ITGA11: variants seen among roughly 807,000 people sequenced by gnomAD.
ITGA11 encodes the protein integrin alpha-11.
Under a neutral mutation model 141.9 loss-of-function variants are expected in ITGA11, and 97 were observed. The ratio of observed to expected loss-of-function variants is 0.68; its 90% CI spans 0.58 to 0.81. The LOEUF (loss-of-function observed/expected upper bound fraction) is 0.81, where lower values mean the gene tolerates loss of function less well. ITGA11 is among the 30% of genes least tolerant of loss of function. ITGA11 has a pLI of 0.00. For missense variants in ITGA11, 1,387 were observed against 1,559.2 expected (o/e 0.89, Z 1.86); for synonymous variants, 658 against 624.6 (o/e 1.05, Z -0.80).
chr15:68,320,836 T>G (rs1893781916), intron 19 of ITGA11, among the ~76,000 whole-genome samples: 1 of 152,264 alleles, frequency 6.6e-6, no homozygotes, highest in Admixed American at 6.5e-5. Context: ...TCATGGTATA[T>G]ATGTTTTCTA....
At chr15:68,363,046 G>A (rs753485537) in intron 4 of ITGA11, among the ~76,000 whole-genome samples, 17 of 152,188 alleles carry the variant, frequency 1.1e-4, no homozygotes, top group Non-Finnish European at 2.5e-4. Flanking sequence ...ATGAATGATA[G>A]ATGATGGAGG....
chr15:68,344,655 A>T (rs1384481838), intron 10 of ITGA11, among the ~76,000 whole-genome samples: 1 of 151,902 alleles, frequency 6.6e-6, no homozygotes, highest in African/African-American at 2.4e-5. Context: ...CAAATAATTG[A>T]TGCGCATGGG....
Position 68,320,194 on chromosome 15 carries a change from C to T in ITGA11, c.2607G>A (p.Leu869=). 1 of 1,613,982 alleles carries T rather than the reference C, an allele frequency of 6.2e-7. No individual in the cohort carries two copies. The highest frequency in any genetic ancestry group is 8.5e-7 in the Non-Finnish European group (1 of 1,179,876). The change falls in exon 20 of 30, where the codon TTG becomes TTA. Residue 869 remains leucine, a synonymous_variant. Coordinates refer to ENST00000315757, the MANE Select transcript of ITGA11 (RefSeq NM_001004439.2). The stretch of plus-strand genomic sequence containing the variant: ...GTCGCTGAGGTCTTACCTTCTGGAT[C>T]AAGCTGGCAAACTGCAGGTTTGCTG... ...SQSANLQFAS[L]IQKEDSDGSI...
intron 26 of ITGA11, 63 bp downstream of exon 26, chr15:68,310,931 C>A: frequency 7.7e-7 from 1 of 1,298,114 alleles, no homozygotes; most frequent in Non-Finnish European, 1.1e-6. Context: ...AAATGGCCCG[C>A]AGAGCACCGG....
At position 68,351,303 on chromosome 15, in the gene ITGA11, C is replaced by T; in HGVS notation, c.849G>A (p.Val283=). 1.2e-6 allele frequency: 2 copies of T among 1,614,050 alleles called. No homozygotes were observed. The highest frequency in any genetic ancestry group is 1.7e-6 in the Non-Finnish European group (2 of 1,179,896). The change falls in exon 8 of 30, where the codon GTG becomes GTA. Residue 283 remains valine (V), a synonymous_variant. Transcript: ENST00000315757. ...ESHDSPDLEK[V]IQQSERDNVT... ...CGTTGTCTCTTTCGCTTTGCTGGAT[C>T]ACCTTCTCCAGGTCTGGGCTGTCGT... is the stretch of plus-strand genomic sequence containing the variant.
intron 10 of ITGA11, among the ~76,000 whole-genome samples, chr15:68,341,143 C>T (rs1894556035): frequency 1.3e-5 from 2 of 151,768 alleles, no homozygotes; most frequent in South Asian, 4.1e-4. Flanking sequence ...AATGTTTTTA[C>T]AGCTATAAAT....
At chr15:68,415,320 G>A (rs1219421712) in intron 1 of ITGA11, among the ~76,000 whole-genome samples, 1 of 152,192 alleles carries the variant, frequency 6.6e-6, no homozygotes, top group East Asian at 1.9e-4. Flanking sequence ...ATGGGACGAA[G>A]AAATTGTGTC....
At chr15:68,409,162 C>A (rs562469813) in intron 1 of ITGA11, among the ~76,000 whole-genome samples, 2 of 152,178 alleles carry the variant, frequency 1.3e-5, no homozygotes, top group Non-Finnish European at 2.9e-5. Flanking sequence ...CTTCGTCCTA[C>A]GCTTTCAAGT....
intron 9 of ITGA11, 90 bp from the exon 10 acceptor site, chr15:68,348,990 T>C: frequency 8.6e-7 from 1 of 1,162,738 alleles, no homozygotes; most frequent in Non-Finnish European, 1.3e-6. Flanking sequence ...TCCTGCTTCC[T>C]GGGGGCATCG....
chr15:68,426,755 T>G (rs1257117085), intron 1 of ITGA11, among the ~76,000 whole-genome samples: 2 of 152,032 alleles, frequency 1.3e-5, no homozygotes, highest in East Asian at 3.9e-4. Flanking sequence ...GCAGTGGCCC[T>G]TCTAATCCCA....
In ITGA11 at chr15:68,303,951, G is replaced by A. The variant is rs985472966; in HGVS notation, c.3382-66C>T. 3 of 1,016,522 alleles carry A rather than the reference G, an allele frequency of 3.0e-6. No individual in the cohort carries two copies. Among genetic ancestry groups the A allele is most frequent in the African/African-American group, 1.6e-5 (1 of 62,972 alleles). 63.0% of individuals were successfully genotyped at this position (1,016,522 alleles called of 1,614,324 possible). ...TGGGGCTGGGGTGGCAGTCTGGGAG[G>A]GGCAGGAGGGTGGAGACAGCTGGCA... On this transcript the variant is annotated intron_variant, in intron 28 of 29. Transcript: ENST00000315757. This position sits in a 1 kb window ranked among gnomAD's most constrained non-coding sequence, Gnocchi z 5.3.
At chr15:68,372,381 A>G (rs28460512) in intron 2 of ITGA11, among the ~76,000 whole-genome samples, 2,895 of 151,584 alleles carry the variant, frequency 0.019, 78 homozygotes, top group African/African-American at 0.066. Context: ...AGGGCCTGCT[A>G]CGCCTCTCGG....
intron 1 of ITGA11, among the ~76,000 whole-genome samples, chr15:68,415,886 G>T (rs1896876601): frequency 1.3e-5 from 2 of 152,292 alleles, no homozygotes; most frequent in South Asian, 2.1e-4. Context: ...CACCAGGGGT[G>T]AGCTTATCAG....
rs117950118 is a variant in ITGA11 at position 68,335,361 on chromosome 15, T to C, written c.1425+336A>G. Among the ~76,000 whole-genome samples, 67 of 152,320 alleles carry C rather than the reference T, an allele frequency of 4.4e-4. No individual in the cohort carries two copies. The East Asian group carries it at 8.5e-3, about 19-fold the overall frequency. ...TCACCACCAATGACTCTTATAGCTT[T>C]CCAATTTGCATTCATCATTGTCCAC... On this transcript the variant is annotated intron_variant, in intron 12 of 29. Transcript: ENST00000315757. The surrounding 1 kb of genome is among the most constrained non-coding windows in gnomAD (Gnocchi z 4.9).
At chr15:68,395,936 T>A (rs1484756613) in intron 2 of ITGA11, among the ~76,000 whole-genome samples, 2 of 151,536 alleles carry the variant, frequency 1.3e-5, no homozygotes, top group Non-Finnish European at 2.9e-5. Context: ...CAACCCTAGA[T>A]GCTGTACTAG....
In ITGA11 at chr15:68,390,588, C is replaced by T. The variant is rs767834811; in HGVS notation, c.164+12330G>A. On this transcript the variant is annotated intron_variant, in intron 2 of 29. Coordinates refer to ENST00000315757, the MANE Select transcript of ITGA11 (RefSeq NM_001004439.2). ...GCCCCAGGAGATGCAGACCAAGGCA[C>T]GCAAGCTCTGCCTGAGGTGTCGGAA... is the stretch of plus-strand genomic sequence containing the variant. 2.6e-5 allele frequency among the ~76,000 whole-genome samples: 4 copies of T among 152,268 alleles called. 1 individual carries two copies. The South Asian group carries it at 6.2e-4, about 24-fold the overall frequency.
In ITGA11 at chr15:68,303,856, G is replaced by C. The variant is rs760816337; in HGVS notation, c.3411C>G (p.Asp1137Glu). 23 of 1,612,908 alleles carry C rather than the reference G, an allele frequency of 1.4e-5. No individual in the cohort carries two copies. The highest frequency in any genetic ancestry group is 1.8e-5 in the Non-Finnish European group (21 of 1,179,244). The change falls in exon 29 of 30, where the codon GAC becomes GAG. Residue 1137 changes from aspartate to glutamate, a missense_variant. By Grantham distance (45) the Asp-to-Glu change is conservative. Transcript: ENST00000315757. This position sits in a 1 kb window ranked among gnomAD's most constrained non-coding sequence, Gnocchi z 5.3. Reference sequence around the variant, plus strand: ...CAATGATCCAGATGGGGACCTGCCAGTCCTCTTGCTTGGAGATCTCAAACA... The same window carrying C: ...CAATGATCCAGATGGGGACCTGCCACTCCTCTTGCTTGGAGATCTCAAACA... Reference protein sequence around the residue: ...QIVFEISKQEDWQVPIWIIVG... With the variant: ...QIVFEISKQEEWQVPIWIIVG...
intron 2 of ITGA11, among the ~76,000 whole-genome samples, chr15:68,376,481 AG>A (rs752985025): frequency 8.5e-5 from 13 of 152,214 alleles, no homozygotes; most frequent in Non-Finnish European, 1.9e-4. Context: ...CTTGCTGGTC[AG>A]GTGGGCAGCC....
At chr15:68,388,681 C>T (rs1012570046) in intron 2 of ITGA11, among the ~76,000 whole-genome samples, 15 of 152,096 alleles carry the variant, frequency 9.9e-5, no homozygotes, top group Non-Finnish European at 1.5e-4. Context: ...CTTTCTCAAG[C>T]CCCCACCCCT....
Sources: gnomAD v4.1 joint callset for allele counts (sites outside exome capture counted in the v4.1 genomes callset) on GRCh38, gnomAD v4.1.1 for gene constraint, Gnocchi (gnomAD v3.1) non-coding constraint, MANE v1.5 for transcripts, NCBI Gene and HGNC (gene_info 2026-07-23, HGNC 2026-07-21) for gene names.